LY75: variants seen among roughly 807,000 people sequenced by gnomAD.
The protein encoded by LY75 is C-type lectin domain family 13 member B.
LY75 carries 185 observed loss-of-function variants against 231.7 expected under a neutral mutation model. The ratio of observed to expected loss-of-function variants is 0.80; its 90% CI spans 0.71 to 0.90. The LOEUF (loss-of-function observed/expected upper bound fraction) is 0.90. LY75 is among the 40% of genes least tolerant of loss of function. LY75 has a pLI of 0.00. For missense variants in LY75, 1,947 were observed against 2,050.2 expected, an observed-to-expected ratio of 0.95 and a Z score of 0.97; for synonymous variants, 668 against 689.0, an observed-to-expected ratio of 0.97 and a Z score of 0.48.
intron 3 of LY75, among the ~76,000 whole-genome samples, chr2:159,893,047 A>C (rs1685807298): frequency 6.6e-6 from 1 of 152,210 alleles, no homozygotes; most frequent in African/African-American, 2.4e-5. Flanking sequence ...TTTTGGACTA[A>C]GCTCCTGATC....
intron 13 of LY75, among the ~76,000 whole-genome samples, chr2:159,869,907 A>G (rs73967947): frequency 0.029 from 4,473 of 152,294 alleles, 193 homozygotes; most frequent in African/African-American, 0.097. Flanking sequence ...GGGAATAGCT[A>G]ACACTCACCT....
At chr2:159,820,368 AAAT>A (rs1187959618) in intron 28 of LY75, among the ~76,000 whole-genome samples, 1 of 152,262 alleles carries the variant, frequency 6.6e-6, no homozygotes, top group Non-Finnish European at 1.5e-5. Flanking sequence ...AAAAGGAATG[AAAT>A]AATGGCATTC....
intron 31 of LY75, among the ~76,000 whole-genome samples, chr2:159,813,659 A>G (rs1178430129): frequency 1.3e-5 from 2 of 152,110 alleles, no homozygotes; most frequent in Non-Finnish European, 2.9e-5. Context: ...TTATAAGGAC[A>G]CTAGTCATTG....
At chr2:159,840,659 G>C (rs971655705) in intron 25 of LY75, 70 bp downstream of exon 25, 1 of 1,593,388 alleles carries the variant, frequency 6.3e-7, no homozygotes, top group African/African-American at 1.3e-5. Flanking sequence ...TCTGCTGTGA[G>C]AGAAGCTATG....
intron 6 of LY75, among the ~76,000 whole-genome samples, chr2:159,882,544 C>T (rs1384721528): frequency 1.3e-5 from 2 of 152,170 alleles, no homozygotes; most frequent in Non-Finnish European, 2.9e-5. Context: ...TAACATGCTT[C>T]AATGTGCTAT....
At chr2:159,815,691 G>T in intron 30 of LY75, 118 bp from the exon 31 acceptor site, 1 of 1,274,818 alleles carries the variant, frequency 7.8e-7, no homozygotes, top group Non-Finnish European at 1.1e-6. Flanking sequence ...TTTGCTTACA[G>T]TATTGTAGGT....
intron 28 of LY75, among the ~76,000 whole-genome samples, chr2:159,827,094 C>G (rs1265740756): frequency 6.6e-6 from 1 of 152,052 alleles, no homozygotes; most frequent in African/African-American, 2.4e-5. Context: ...GCAACAAAAG[C>G]CAAAATTGAC....
intron 32 of LY75, 151 bp downstream of exon 32, chr2:159,810,375 C>T (rs1225433415): frequency 1.4e-5 from 15 of 1,090,276 alleles, no homozygotes; most frequent in African/African-American, 4.8e-5. Flanking sequence ...AACCATTTCC[C>T]TACCACTGGG....
At chr2:159,830,496 T>C (rs1005712004) in intron 28 of LY75, among the ~76,000 whole-genome samples, 1 of 152,140 alleles carries the variant, frequency 6.6e-6, no homozygotes, top group Non-Finnish European at 1.5e-5. Context: ...TTTAAAAAAT[T>C]TTGTTATCAA....
chr2:159,829,002 G>A (rs1307272413), intron 28 of LY75, among the ~76,000 whole-genome samples: 1 of 152,188 alleles, frequency 6.6e-6, no homozygotes, highest in African/African-American at 2.4e-5. Flanking sequence ...TGAGGACTAG[G>A]AGACAGGGAG....
At chr2:159,820,738 CTA>C (rs777634065) in intron 28 of LY75, among the ~76,000 whole-genome samples, 3 of 152,284 alleles carry the variant, frequency 2.0e-5, no homozygotes, top group African/African-American at 2.4e-5. Flanking sequence ...ATGAACATAA[CTA>C]TTTTATTTAT....
chr2:159,849,685 A>G (rs186561778), intron 23 of LY75, among the ~76,000 whole-genome samples: 3 of 152,304 alleles, frequency 2.0e-5, no homozygotes, highest in Admixed American at 1.3e-4. Flanking sequence ...CATTTAAAGT[A>G]CATATTCAAT....
intron 17 of LY75, among the ~76,000 whole-genome samples, 167 bp downstream of exon 17, chr2:159,854,737 T>C (rs975491): frequency 0.87 from 132,484 of 152,158 alleles, 59,378 homozygotes; most frequent in East Asian, 1. Flanking sequence ...AAGGAAAAAG[T>C]CACCCTCATC....
rs894967837 is a variant in LY75 at position 159,823,915 on chromosome 2, C to T, written c.3959-3995G>A. ...GGCAAGTGCTGAGAGATTTTGTCACCACCAAGCCTGCCTTACAAGAGCTCC... is the reference window on the plus strand; with the variant it reads ...GGCAAGTGCTGAGAGATTTTGTCACTACCAAGCCTGCCTTACAAGAGCTCC... On this transcript the variant is annotated intron_variant, in intron 28 of 34. Transcript: ENST00000263636. 6.6e-5 allele frequency among the ~76,000 whole-genome samples: 10 copies of T among 152,124 alleles called. No homozygotes were observed. In the South Asian group the frequency reaches 1.7e-3, roughly 25 times the overall value.
At chr2:159,875,992 T>C (rs1426493139) in intron 11 of LY75, among the ~76,000 whole-genome samples, 2 of 152,154 alleles carry the variant, frequency 1.3e-5, no homozygotes, top group Non-Finnish European at 2.9e-5. Flanking sequence ...CCCTAAATAC[T>C]ACTGCTGCTT....
chr2:159,807,858 A>G, intron 33 of LY75: 1 of 983,578 alleles, frequency 1.0e-6, no homozygotes, highest in Non-Finnish European at 1.2e-6. Flanking sequence ...ATTTCGTATT[A>G]AAAAATCCTT....
chr2:159,874,733 A>T (rs1183736057), intron 12 of LY75, among the ~76,000 whole-genome samples: 3 of 52,058 alleles, frequency 5.8e-5, no homozygotes, highest in South Asian at 5.5e-4. Context: ...TTTTGTAAAT[A>T]TATGTAAATA....
intron 23 of LY75, among the ~76,000 whole-genome samples, chr2:159,848,747 G>A (rs1326004613): frequency 6.6e-6 from 1 of 152,162 alleles, no homozygotes; most frequent in South Asian, 2.1e-4. Context: ...AAATATGGTT[G>A]AGACTCATTT....
At chr2:159,843,440 T>C (rs13389659) in intron 23 of LY75, among the ~76,000 whole-genome samples, 7,151 of 151,414 alleles carry the variant, frequency 0.047, 512 homozygotes, top group African/African-American at 0.16. Flanking sequence ...AAAATGGAAA[T>C]ACCAAAATGT....
Sources: allele counts gnomAD v4.1 joint callset (sites outside exome capture counted in the v4.1 genomes callset), GRCh38; gene constraint gnomAD v4.1.1; transcripts MANE v1.5; gene names NCBI Gene and HGNC (gene_info 2026-07-23, HGNC 2026-07-21).